The following NFATC1 variants were observed in gnomAD, a reference collection of about 807,000 sequenced individuals.
NFATC1 encodes the protein nuclear factor of activated T-cells, cytoplasmic 1.
In NFATC1, 22 loss-of-function variants were observed where a neutral mutation model predicts 76.0. The ratio of observed to expected loss-of-function variants is 0.29; its 90% CI spans 0.21 to 0.41. The LOEUF is 0.41. Ranked by LOEUF, NFATC1 falls within the 10% of genes least tolerant of loss-of-function variation. The pLI is 1.00. For synonymous variants in NFATC1, 704 were observed against 613.1 expected, an observed-to-expected ratio of 1.15 and a Z score of -2.19; for missense variants, 1,357 against 1,337.7, an observed-to-expected ratio of 1.01 and a Z score of -0.23.
chr18:79,461,243 TG>T, intron 6 of NFATC1, 67 bp from the exon 7 acceptor site: 3 of 1,577,284 alleles, frequency 1.9e-6, no homozygotes, highest in Non-Finnish European at 1.7e-6. Flanking sequence ...CTGGATCACG[TG>T]GGGGTGTCTG....
rs1340746975 is a variant in NFATC1 at position 79,396,282 on chromosome 18, G to A, written c.58G>A (p.Val20Ile). ...SKFPLGPAAA[V>I]FGRGETLGPA... is the part of the protein sequence containing the mutation. ...GTTTCCACTTGGCCCTGCGGCTGCG[G>A]TCTTCGGGAGAGGAGAAACTTTGGG... Residue 20 changes from valine to isoleucine, a missense_variant, in exon 1 of 10, where the codon GTC (valine) becomes ATC (isoleucine). This residue lies in a region of NFATC1 where 691 missense variants were observed against 613.1 expected (regional missense o/e 1.13). Coordinates refer to ENST00000427363, the MANE Select transcript of NFATC1 (RefSeq NM_001278669.2). The A allele has an allele frequency of 4.1e-6, 6 of 1,462,786 alleles. No individual in the cohort carries two copies. In the South Asian group the frequency reaches 7.8e-5, roughly 19 times the overall value. The allele number at this position is 1,462,786 out of a possible 1,614,324, so 90.6% of individuals were successfully genotyped here.
At chr18:79,425,229 C>A (rs923715922) in intron 2 of NFATC1, among the ~76,000 whole-genome samples, 1 of 121,772 alleles carries the variant, frequency 8.2e-6, no homozygotes, top group Non-Finnish European at 2.0e-5. Flanking sequence ...CTCTGTTTCT[C>A]TCCCTGTCTC....
Position 79,399,784 on chromosome 18 carries a change from C to G in NFATC1, c.127+3433C>G, listed in dbSNP as rs568787049. Among the ~76,000 whole-genome samples the G allele has an allele frequency of 4.5e-3, 688 of 152,120 alleles. 9 individuals are homozygous for G. Among genetic ancestry groups the G allele is most frequent in the African/African-American group, 0.016 (646 of 41,530 alleles). ...CTGCAGGGGGTTGCAGGCCGAGGGG[C>G]GCGCCACGAACCCAGCGGGAATCCC... On this transcript the variant is annotated intron_variant, in intron 1 of 9. Transcript: ENST00000427363.
At chr18:79,444,225 TG>T (rs993660750) in intron 3 of NFATC1, among the ~76,000 whole-genome samples, 24 of 152,102 alleles carry the variant, frequency 1.6e-4, no homozygotes, top group Middle Eastern at 3.4e-3. Flanking sequence ...GTGCACGCTC[TG>T]GGGGGGTGTG....
intron 8 of NFATC1, among the ~76,000 whole-genome samples, chr18:79,477,623 C>CT (rs1456543817): frequency 6.8e-6 from 1 of 148,008 alleles, no homozygotes; most frequent in Non-Finnish European, 1.5e-5. Flanking sequence ...CATAGTGGAG[C>CT]ACCACCGGCC....
chr18:79,444,272 C>T (rs1180810891), intron 3 of NFATC1, among the ~76,000 whole-genome samples: 1 of 152,048 alleles, frequency 6.6e-6, no homozygotes, highest in African/African-American at 2.4e-5. Flanking sequence ...GTGTGTGTGC[C>T]CACGTGTGTT....
At chr18:79,527,165 G>A (rs1319334835) in intron 9 of NFATC1, 1 of 194,886 alleles carries the variant, frequency 5.1e-6, no homozygotes, top group Non-Finnish European at 1.1e-5. Flanking sequence ...GGCGACACTG[G>A]TGCTGACACC....
chr18:79,400,758 C>G (rs1370392196), intron 1 of NFATC1, among the ~76,000 whole-genome samples: 1 of 22,292 alleles, frequency 4.5e-5, no homozygotes, highest in Non-Finnish European at 8.3e-5. Context: ...CTGCCAGAGG[C>G]GGAGAAGCCC....
chr18:79,486,504 G>T lies in NFATC1; in HGVS notation c.2349G>T (p.Pro783=). Residue 783 remains proline (P), a synonymous_variant, in exon 9 of 10, where the codon CCG becomes CCT. Transcript: ENST00000427363. The part of the protein sequence containing the change: ...PAAYTKGVAS[P]GHCHLGLPQP... ...CCTACACCAAGGGCGTTGCCAGCCC[G>T]GGCCACTGTCACCTCGGACTCCCGC... The T allele has an allele frequency of 6.2e-7, 1 of 1,604,352 alleles. No homozygotes were observed. The highest frequency in any genetic ancestry group is 1.1e-5 in the South Asian group (1 of 91,028).
At chr18:79,456,248 A>G (rs114101894) in intron 6 of NFATC1, among the ~76,000 whole-genome samples, 2,025 of 152,300 alleles carry the variant, frequency 0.013, 44 homozygotes, top group African/African-American at 0.041. Context: ...ATGCCGGGAC[A>G]CACACATTCA....
At chr18:79,522,417 A>G (rs1169227148) in intron 9 of NFATC1, among the ~76,000 whole-genome samples, 334 of 22,500 alleles carry the variant, frequency 0.015, no homozygotes, top group Non-Finnish European at 0.016. Flanking sequence ...GGGTGGGGGG[A>G]CGTCTGCTGG....
At chr18:79,526,881 A>C (rs1255112911) in intron 9 of NFATC1, among the ~76,000 whole-genome samples, 2 of 152,210 alleles carry the variant, frequency 1.3e-5, no homozygotes, top group African/African-American at 4.8e-5. Context: ...CCGTGACGTC[A>C]GCGCACGCCC....
At chr18:79,447,641 C>T (rs1467188626) in intron 3 of NFATC1, among the ~76,000 whole-genome samples, 1 of 152,158 alleles carries the variant, frequency 6.6e-6, no homozygotes, top group Non-Finnish European at 1.5e-5. Context: ...GCACTCTGAA[C>T]GAGGGGCCCT....
chr18:79,520,918 G>T (rs2090529594), intron 9 of NFATC1, among the ~76,000 whole-genome samples: 1 of 112,846 alleles, frequency 8.9e-6, no homozygotes, highest in African/African-American at 3.4e-5. Context: ...AGCATCCACT[G>T]GTGTGTGTGT....
chr18:79,472,166 C>T (rs1054018676), intron 8 of NFATC1, among the ~76,000 whole-genome samples: 7 of 152,050 alleles, frequency 4.6e-5, no homozygotes, highest in Admixed American at 1.3e-4. Flanking sequence ...GGGCGGGGGG[C>T]GGCTGTGAAA....
At chr18:79,503,977 C>T (rs1223646148) in intron 9 of NFATC1, among the ~76,000 whole-genome samples, 4 of 152,210 alleles carry the variant, frequency 2.6e-5, no homozygotes, top group African/African-American at 9.7e-5. Flanking sequence ...CCTCATCTCT[C>T]AGCCTTCGTA....
At chr18:79,477,217 C>T (rs1363937158) in intron 8 of NFATC1, among the ~76,000 whole-genome samples, 1 of 152,236 alleles carries the variant, frequency 6.6e-6, no homozygotes, top group African/African-American at 2.4e-5. Flanking sequence ...GATGGCAAAA[C>T]TTGGACTTTC....
chr18:79,413,987 T>G (rs1023388589), intron 2 of NFATC1, among the ~76,000 whole-genome samples: 4 of 152,234 alleles, frequency 2.6e-5, no homozygotes, highest in Non-Finnish European at 5.9e-5. Flanking sequence ...TCAGTAAATA[T>G]GTCCCAAACT....
At chr18:79,488,366 G>A (rs534850548) in intron 9 of NFATC1, among the ~76,000 whole-genome samples, 114 of 149,264 alleles carry the variant, frequency 7.6e-4, no homozygotes, top group Middle Eastern at 6.8e-3. Context: ...CATGAAGCCC[G>A]CAGCCCTCAT....
Sources: gnomAD v4.1 joint callset for allele counts (sites outside exome capture counted in the v4.1 genomes callset) on GRCh38, gnomAD v4.1.1 for gene constraint, gnomAD v4.1.1 regional missense constraint, MANE v1.5 for transcripts, NCBI Gene and HGNC (gene_info 2026-07-23, HGNC 2026-07-21) for gene names.